Variants in STRN3 observed in about 807,000 individuals in gnomAD.
The protein encoded by STRN3 is striatin 3.
Under a neutral mutation model 95.6 loss-of-function variants are expected in STRN3, and 29 were observed. That is an observed-to-expected ratio of 0.30 (90% CI 0.23 to 0.41). The LOEUF (loss-of-function observed/expected upper bound fraction) is 0.41. Among genes scored for constraint, STRN3 ranks in the 10% least tolerant of loss-of-function variants. The pLI is 1.00. For missense variants in STRN3, 890 were observed against 972.1 expected (o/e 0.92, Z 1.12); for synonymous variants, 331 against 357.6 (o/e 0.93, Z 0.84).
chr14:30,988,267 A>G (rs1881791527), intron 1 of STRN3, among the ~76,000 whole-genome samples: 1 of 152,182 alleles, frequency 6.6e-6, no homozygotes, highest in African/African-American at 2.4e-5. Flanking sequence ...TTGGCCTCAT[A>G]AGCAAATCCT....
chr14:30,985,664 A>G (rs1312642845), intron 1 of STRN3, among the ~76,000 whole-genome samples: 1 of 152,204 alleles, frequency 6.6e-6, no homozygotes, highest in Non-Finnish European at 1.5e-5. Context: ...TATATGGGAA[A>G]ATATACCATT....
chr14:31,008,470 T>C (rs1407717727), intron 1 of STRN3, among the ~76,000 whole-genome samples: 2 of 152,068 alleles, frequency 1.3e-5, no homozygotes, highest in Non-Finnish European at 2.9e-5. Flanking sequence ...ATTACACCAC[T>C]GCACTCTAGC....
intron 1 of STRN3, among the ~76,000 whole-genome samples, chr14:30,977,794 G>GAAAAA (rs869303485): frequency 2.7e-5 from 3 of 109,926 alleles, no homozygotes; most frequent in South Asian, 7.9e-4. Flanking sequence ...ACTCTATCTC[G>GAAAAA]AAAAAAAAAA....
chr14:30,981,862 A>G (rs988614674), intron 1 of STRN3, among the ~76,000 whole-genome samples: 1 of 152,142 alleles, frequency 6.6e-6, no homozygotes, highest in Non-Finnish European at 1.5e-5. Context: ...TCGGAGGCCA[A>G]GGTAGATGGA....
intron 1 of STRN3, among the ~76,000 whole-genome samples, chr14:31,013,537 G>C (rs190030624): frequency 3.3e-5 from 5 of 152,216 alleles, no homozygotes; most frequent in African/African-American, 1.2e-4. Flanking sequence ...TTGGCAGTGG[G>C]GGGTGGTAGA....
At chr14:30,924,974 T>G (rs557877589) in intron 8 of STRN3, among the ~76,000 whole-genome samples, 12 of 152,316 alleles carry the variant, frequency 7.9e-5, no homozygotes, top group East Asian at 5.8e-4. Flanking sequence ...CAAAATTTTC[T>G]TAAGTCAGAA....
Position 30,913,503 on chromosome 14 carries a change from T to A in STRN3, c.1374+21A>T, listed in dbSNP as rs771077492. 15 of 1,563,218 alleles carry A rather than the reference T, an allele frequency of 9.6e-6. No individual in the cohort carries two copies. The East Asian group carries it at 3.4e-4, about 35-fold the overall frequency. On this transcript the variant is annotated intron_variant, in intron 10 of 17. Transcript: ENST00000357479. ...GCCTTCTATTAAATCATTAAAAAAT[T>A]AAAAATAAAACTGCACTTACATCAT...
intron 1 of STRN3, among the ~76,000 whole-genome samples, chr14:30,989,585 C>T (rs1566478195): frequency 1.3e-5 from 2 of 152,072 alleles, no homozygotes; most frequent in East Asian, 1.9e-4. Flanking sequence ...CTCAGCCTCC[C>T]GAGTAGCTGG....
At chr14:30,907,358 A>G (rs897425701) in intron 13 of STRN3, among the ~76,000 whole-genome samples, 2 of 151,768 alleles carry the variant, frequency 1.3e-5, no homozygotes, top group Non-Finnish European at 2.9e-5. Context: ...TTTAAAGTGT[A>G]TACTTCAATG....
intron 1 of STRN3, among the ~76,000 whole-genome samples, chr14:30,966,745 T>A (rs1880531934): frequency 6.6e-6 from 1 of 152,026 alleles, no homozygotes; most frequent in Non-Finnish European, 1.5e-5. Context: ...TGGTGACAAG[T>A]CCTACTGCTG....
chr14:30,944,371 C>T lies in STRN3; in HGVS notation c.716+2719G>A, dbSNP rs553082062. The stretch of plus-strand genomic sequence containing the variant: ...AGGGCTCTATCTGATGTCAAACTGA[C>T]TTTAATAGTCATTTCTCAGAAATGA... On this transcript the variant is annotated intron_variant, in intron 5 of 17. Coordinates refer to ENST00000357479, the MANE Select transcript of STRN3 (RefSeq NM_001083893.2). Among the ~76,000 whole-genome samples, 3 of 151,654 alleles carry T rather than the reference C, an allele frequency of 2.0e-5. No individual in the cohort carries two copies. In the South Asian group the frequency reaches 6.2e-4, roughly 32 times the overall value.
chr14:30,970,301 C>T (rs552521380), intron 1 of STRN3, among the ~76,000 whole-genome samples: 1 of 152,288 alleles, frequency 6.6e-6, no homozygotes, highest in African/African-American at 2.4e-5. Context: ...GATAAAGACC[C>T]GAGTGTCAAC....
chr14:30,907,592 T>C (rs35422372), intron 13 of STRN3, among the ~76,000 whole-genome samples: 64,747 of 143,300 alleles, frequency 0.45, 14,003 homozygotes, highest in East Asian at 0.6. Context: ...TCACTGAGTA[T>C]GTTTTCTTTT....
intron 5 of STRN3, 102 bp from the exon 6 acceptor site, chr14:30,936,726 C>A: frequency 4.4e-6 from 6 of 1,350,930 alleles, no homozygotes; most frequent in Non-Finnish European, 5.9e-6. Flanking sequence ...TAGAGAGATT[C>A]GAATGACTAC....
At chr14:30,921,887 G>A (rs1190502439) in intron 8 of STRN3, among the ~76,000 whole-genome samples, 1 of 151,848 alleles carries the variant, frequency 6.6e-6, no homozygotes. Context: ...ATTATTATTT[G>A]TGAGACAAGG....
chr14:30,933,340 T>G (rs1413719997), intron 7 of STRN3, among the ~76,000 whole-genome samples: 7 of 142,742 alleles, frequency 4.9e-5, no homozygotes, highest in African/African-American at 1.8e-4. Context: ...GTGAAAAGTG[T>G]GCATTACAAA....
At chr14:30,925,083 A>G (rs952306609) in intron 8 of STRN3, among the ~76,000 whole-genome samples, 4 of 152,186 alleles carry the variant, frequency 2.6e-5, no homozygotes, top group African/African-American at 9.7e-5. Flanking sequence ...TCTTAGTTTC[A>G]AGGTACTGAC....
At chr14:31,003,053 G>C (rs1293512933) in intron 1 of STRN3, among the ~76,000 whole-genome samples, 1 of 151,958 alleles carries the variant, frequency 6.6e-6, no homozygotes, top group African/African-American at 2.4e-5. Flanking sequence ...CATGAGGTCA[G>C]GAGATTGAGA....
intron 16 of STRN3, among the ~76,000 whole-genome samples, chr14:30,900,868 T>C (rs972227000): frequency 1.3e-4 from 20 of 152,140 alleles, no homozygotes; most frequent in Non-Finnish European, 1.6e-4. Context: ...TGGAAACAAT[T>C]TGAAAGACTA....
Sources: allele counts gnomAD v4.1 joint callset (sites outside exome capture counted in the v4.1 genomes callset), GRCh38; gene constraint gnomAD v4.1.1; transcripts MANE v1.5; gene names NCBI Gene and HGNC (gene_info 2026-07-23, HGNC 2026-07-21).